DCDC2C: variants seen among roughly 807,000 people sequenced by gnomAD.
DCDC2C encodes doublecortin domain-containing protein 2C.
Under a neutral mutation model 45.0 loss-of-function variants are expected in DCDC2C, and 44 were observed. That is an observed-to-expected ratio of 0.98 (90% confidence interval 0.77 to 1.26). The LOEUF (loss-of-function observed/expected upper bound fraction) is 1.26. Ranked by LOEUF, DCDC2C falls within the 50% of genes most tolerant of loss-of-function variation. The pLI is 0.00. For synonymous variants in DCDC2C, 187 were observed against 178.8 expected (o/e 1.05, Z -0.37); for missense variants, 447 against 468.9 (o/e 0.95, Z 0.43).
chr2:3,797,620 G>A (rs374821969), intron 10 of DCDC2C, among the ~76,000 whole-genome samples: 4 of 147,736 alleles, frequency 2.7e-5, no homozygotes, highest in Admixed American at 6.8e-5. Context: ...CCTTCATTTC[G>A]TTATGTACCC....
rs1412081211 is a variant in DCDC2C at position 3,818,383 on chromosome 2, C to G, written c.1066-28771C>G. ...TAGTAAAGAAAGCATATTTGAGATCCTGAACAGAATAATGGGTTATGGAGG... is the reference window on the plus strand; with the variant it reads ...TAGTAAAGAAAGCATATTTGAGATCGTGAACAGAATAATGGGTTATGGAGG... On this transcript the variant is annotated intron_variant, in intron 10 of 10. Coordinates refer to ENST00000399143, the MANE Select transcript of DCDC2C (RefSeq NM_001287444.2). The surrounding 1 kb of genome is among the most constrained non-coding windows in gnomAD (Gnocchi z 4.7). Among the ~76,000 whole-genome samples the G allele has an allele frequency of 6.6e-6, 1 of 151,994 alleles. No homozygotes were observed. Among genetic ancestry groups the G allele is most frequent in the Non-Finnish European group, 1.5e-5 (1 of 68,014 alleles).
At chr2:3,808,429 G>T (rs1248495789) in intron 10 of DCDC2C, among the ~76,000 whole-genome samples, 1 of 151,838 alleles carries the variant, frequency 6.6e-6, no homozygotes, top group Non-Finnish European at 1.5e-5. Flanking sequence ...TTCTCGCTCT[G>T]TTACCAGGCT....
chr2:3,813,052 TA>T (rs1558238612), intron 10 of DCDC2C, among the ~76,000 whole-genome samples: 1,308 of 88,370 alleles, frequency 0.015, 42 homozygotes, highest in African/African-American at 0.068. Flanking sequence ...TATATATATA[TA>T]TATATATATA....
chr2:3,843,948 C>G (rs1429333554), intron 10 of DCDC2C, among the ~76,000 whole-genome samples: 1 of 152,244 alleles, frequency 6.6e-6, no homozygotes, highest in Non-Finnish European at 1.5e-5. Context: ...TTAGTATTAT[C>G]ACTGTCACTA....
At chr2:3,762,337 G>A (rs185485351) in intron 6 of DCDC2C, among the ~76,000 whole-genome samples, 12 of 152,222 alleles carry the variant, frequency 7.9e-5, no homozygotes, top group East Asian at 1.9e-4. Flanking sequence ...TATTCATAAC[G>A]TGGTGTAGTG....
intron 10 of DCDC2C, among the ~76,000 whole-genome samples, chr2:3,811,769 A>T (rs1336343626): frequency 2.0e-5 from 3 of 152,194 alleles, no homozygotes; most frequent in Non-Finnish European, 4.4e-5. Context: ...TACCTTGTTT[A>T]TTGAGAGTTT....
intron 7 of DCDC2C, chr2:3,769,105 AC>A (rs1444228992): frequency 2.1e-5 from 11 of 532,714 alleles, no homozygotes; most frequent in Non-Finnish European, 2.7e-5. Context: ...AATCGAGGCC[AC>A]CACGCTGAGC....
At chr2:3,740,927 C>T (rs1459155332) in intron 3 of DCDC2C, among the ~76,000 whole-genome samples, 1 of 151,994 alleles carries the variant, frequency 6.6e-6, no homozygotes, top group Non-Finnish European at 1.5e-5. Flanking sequence ...AAAAATTAAC[C>T]AGAATTGCAA....
chr2:3,708,123 G>A (rs1343607789), intron 1 of DCDC2C, among the ~76,000 whole-genome samples: 1 of 150,520 alleles, frequency 6.6e-6, no homozygotes, highest in Non-Finnish European at 1.5e-5. Context: ...TCTGTGAGCA[G>A]GAGGGAGCGG....
intron 10 of DCDC2C, among the ~76,000 whole-genome samples, chr2:3,825,068 G>A (rs1671780444): frequency 6.6e-6 from 1 of 152,190 alleles, no homozygotes; most frequent in Non-Finnish European, 1.5e-5. Context: ...TAGTGGGAGG[G>A]TTTAGGGAGG....
At chr2:3,785,552 G>A (rs73910372) in intron 10 of DCDC2C, among the ~76,000 whole-genome samples, 2 of 151,964 alleles carry the variant, frequency 1.3e-5, no homozygotes, top group South Asian at 2.1e-4. Flanking sequence ...GCAAGGGAGT[G>A]GGGGGCTCAC....
chr2:3,808,100 CTT>C (rs1333530220), intron 10 of DCDC2C, among the ~76,000 whole-genome samples: 6 of 152,294 alleles, frequency 3.9e-5, no homozygotes, highest in Admixed American at 2.0e-4. Flanking sequence ...AGCTGGCAAA[CTT>C]TTGCTAAGCA....
intron 10 of DCDC2C, among the ~76,000 whole-genome samples, chr2:3,839,932 G>A (rs1672168732): frequency 6.6e-6 from 1 of 152,196 alleles, no homozygotes; most frequent in South Asian, 2.1e-4. Context: ...CATATATCTA[G>A]ACTAGAACAA....
chr2:3,744,753 A>T (rs73144838), intron 4 of DCDC2C, among the ~76,000 whole-genome samples: 2,786 of 152,342 alleles, frequency 0.018, 82 homozygotes, highest in African/African-American at 0.064. Flanking sequence ...AGTAGGATGT[A>T]AACTGTCGAG....
intron 6 of DCDC2C, among the ~76,000 whole-genome samples, chr2:3,760,268 G>A (rs533030266): frequency 6.6e-6 from 1 of 152,334 alleles, no homozygotes; most frequent in South Asian, 2.1e-4. Context: ...AAAAGAACTT[G>A]CATTTGCACT....
chr2:3,710,837 C>A (rs965672742), intron 2 of DCDC2C, among the ~76,000 whole-genome samples: 6 of 152,200 alleles, frequency 3.9e-5, no homozygotes, highest in African/African-American at 1.4e-4. Flanking sequence ...ATATGTACCA[C>A]ATTTTCTTTA....
intron 10 of DCDC2C, among the ~76,000 whole-genome samples, chr2:3,798,685 G>A (rs1486082054): frequency 6.6e-6 from 1 of 151,154 alleles, no homozygotes; most frequent in Non-Finnish European, 1.5e-5. Flanking sequence ...CTTTAAGAAT[G>A]TTGAATATTG....
intron 10 of DCDC2C, among the ~76,000 whole-genome samples, chr2:3,821,139 G>A (rs1247002449): frequency 1.3e-5 from 2 of 152,150 alleles, no homozygotes; most frequent in African/African-American, 4.8e-5. Flanking sequence ...TTCTCTGGTG[G>A]GCAGGGGCGG....
chr2:3,808,452 C>A (rs1005913373), intron 10 of DCDC2C, among the ~76,000 whole-genome samples: 2 of 151,890 alleles, frequency 1.3e-5, no homozygotes, highest in Non-Finnish European at 2.9e-5. Flanking sequence ...AGTGCAGTGG[C>A]GTGATCTTGG....
Sources: gnomAD v4.1 joint callset for allele counts (sites outside exome capture counted in the v4.1 genomes callset) on GRCh38, gnomAD v4.1.1 for gene constraint, Gnocchi (gnomAD v3.1) non-coding constraint, MANE v1.5 for transcripts, NCBI Gene and HGNC (gene_info 2026-07-23, HGNC 2026-07-21) for gene names.